The following IL34 variants were observed in gnomAD, a reference collection of about 807,000 sequenced individuals.
IL34 encodes the protein interleukin 34, also known as interleukin-34.
A neutral mutation model predicts 25.3 loss-of-function variants in IL34; 17 were observed. That is an observed-to-expected ratio of 0.67 (90% CI 0.46 to 1.01). The LOEUF (loss-of-function observed/expected upper bound fraction) is 1.01. IL34 is among the 50% of genes least tolerant of loss of function. The pLI is 0.00. For missense variants in IL34, 368 were observed against 312.9 expected, an observed-to-expected ratio of 1.18 and a Z score of -1.33; for synonymous variants, 174 against 140.9, an observed-to-expected ratio of 1.23 and a Z score of -1.66.
At chr16:70,604,805 C>T (rs1430004581) in intron 1 of IL34, among the ~76,000 whole-genome samples, 3 of 152,054 alleles carry the variant, frequency 2.0e-5, no homozygotes, top group Admixed American at 6.6e-5. Context: ...AGAGCGGGGA[C>T]CGAGGGCCTG....
intron 1 of IL34, among the ~76,000 whole-genome samples, chr16:70,593,544 A>G (rs1206219789): frequency 2.6e-5 from 4 of 152,000 alleles, no homozygotes; most frequent in African/African-American, 7.3e-5. Context: ...TTGAGACAGG[A>G]TCTCACTCTG....
chr16:70,621,072 TA>T (rs1446375779), intron 1 of IL34, among the ~76,000 whole-genome samples: 2 of 151,996 alleles, frequency 1.3e-5, no homozygotes, highest in South Asian at 2.1e-4. Context: ...AATAAGCAAT[TA>T]GGGGGTTCTT....
At chr16:70,616,924 G>A (rs533267659) in intron 1 of IL34, among the ~76,000 whole-genome samples, 142 of 152,238 alleles carry the variant, frequency 9.3e-4, no homozygotes, top group African/African-American at 2.1e-3. Flanking sequence ...CATTCCTGCC[G>A]CCTTATATTA....
rs753626247 is a variant in IL34 at position 70,660,211 on chromosome 16, T to C, written c.*24T>C. Reference sequence around the variant, plus strand: ...GAGCACCCTGGATGGTGACTGCGGATAGGGGCAGCCAGACCAGCTCCCACA... The same window carrying C: ...GAGCACCCTGGATGGTGACTGCGGACAGGGGCAGCCAGACCAGCTCCCACA... On this transcript the variant is annotated 3_prime_UTR_variant, in exon 6 of 6. Transcript: ENST00000288098. 1.3e-6 allele frequency: 2 copies of C among 1,538,168 alleles called. No homozygotes were observed. Among genetic ancestry groups the C allele is most frequent in the South Asian group, 2.5e-5 (2 of 78,896 alleles).
At chr16:70,627,788 T>C (rs928449845) in intron 1 of IL34, among the ~76,000 whole-genome samples, 14 of 152,180 alleles carry the variant, frequency 9.2e-5, no homozygotes, top group African/African-American at 3.4e-4. Flanking sequence ...TGTCACAGAT[T>C]GGTTTTGCTG....
chr16:70,624,644 C>T (rs1284355013), intron 1 of IL34, among the ~76,000 whole-genome samples: 1 of 152,068 alleles, frequency 6.6e-6, no homozygotes, highest in Non-Finnish European at 1.5e-5. Flanking sequence ...GAAAAAGGAG[C>T]ATTCACCTTG....
intron 1 of IL34, among the ~76,000 whole-genome samples, chr16:70,584,092 C>G: frequency 6.6e-6 from 1 of 152,226 alleles, no homozygotes; most frequent in East Asian, 1.9e-4. Flanking sequence ...GGAGAGACAT[C>G]TCGTCCCAGA....
chr16:70,644,749 GGGAGGAGGGAGGAAAA>G (rs2051868865), upstream of IL34, among the ~76,000 whole-genome samples: 2 of 142,436 alleles, frequency 1.4e-5, no homozygotes, highest in Non-Finnish European at 1.5e-5. Flanking sequence ...AAGAGGAGGA[GGGAGGAGGGAGGAAAA>G]GGAGGAGGGA....
At chr16:70,590,054 G>A (rs200326156) in intron 1 of IL34, among the ~76,000 whole-genome samples, 5 of 152,136 alleles carry the variant, frequency 3.3e-5, no homozygotes, top group African/African-American at 4.8e-5. Context: ...TTCTGCCTTC[G>A]GGGAGGTGTT....
In IL34 at chr16:70,659,785, G is replaced by C. The variant is rs754481670; in HGVS notation, c.538+32G>C. On this transcript the variant is annotated intron_variant, in intron 5 of 5. Transcript: ENST00000288098. Reference sequence around the variant, plus strand: ...AGCTCTCAGGGGATGGCGCCTGGGGGTGGGAGGCCAGGCATCTGGGCCCAC... The same window carrying C: ...AGCTCTCAGGGGATGGCGCCTGGGGCTGGGAGGCCAGGCATCTGGGCCCAC... 4.9e-5 allele frequency: 77 copies of C among 1,577,300 alleles called. No individual in the cohort carries two copies. In the Admixed American group the frequency reaches 1.3e-3, roughly 27 times the overall value.
chr16:70,611,189 GCTGGTCTCGAACTC>G, intron 1 of IL34, among the ~76,000 whole-genome samples: 1 of 152,266 alleles, frequency 6.6e-6, no homozygotes, highest in East Asian at 1.9e-4. Context: ...TGTTGCCCAG[GCTGGTCTCGAACTC>G]CTGTGCTCAG....
chr16:70,625,870 A>G (rs1199657527), intron 1 of IL34, among the ~76,000 whole-genome samples: 3 of 152,208 alleles, frequency 2.0e-5, no homozygotes, highest in Non-Finnish European at 4.4e-5. Flanking sequence ...CACTTACCGG[A>G]TTTGAAATTG....
Position 70,647,227 on chromosome 16 carries a change from G to A in IL34, c.28+252G>A, listed in dbSNP as rs12929508. Among the ~76,000 whole-genome samples, 45,752 of 152,180 alleles carry A rather than the reference G, an allele frequency of 0.3. 7,166 individuals are homozygous for A. The highest frequency in any genetic ancestry group is 0.45 in the South Asian group (2,188 of 4,828). On this transcript the variant is annotated intron_variant, in intron 1 of 5. Transcript: ENST00000288098. Reference sequence around the variant, plus strand: ...ATGGTCCTCAGGGTGGTCTTAGGTCGGGGCAGGCACTGGGGGTAGGTGGCA... The same window carrying A: ...ATGGTCCTCAGGGTGGTCTTAGGTCAGGGCAGGCACTGGGGGTAGGTGGCA...
chr16:70,657,623 A>C (rs897078114), intron 4 of IL34, among the ~76,000 whole-genome samples: 6 of 152,190 alleles, frequency 3.9e-5, no homozygotes, highest in African/African-American at 1.4e-4. Context: ...AAAAATACAA[A>C]AATAAGCCAG....
chr16:70,619,025 A>G (rs545478268), intron 1 of IL34, among the ~76,000 whole-genome samples: 23 of 152,302 alleles, frequency 1.5e-4, no homozygotes, highest in African/African-American at 5.1e-4. Context: ...GTTTGGCACC[A>G]CGGGGTGGAT....
chr16:70,618,195 G>A (rs2051204264), intron 1 of IL34, among the ~76,000 whole-genome samples: 1 of 152,064 alleles, frequency 6.6e-6, no homozygotes, highest in South Asian at 2.1e-4. Context: ...TGCCTTTGCT[G>A]GTGTGTGGTG....
chr16:70,647,277 G>C (rs1250129069), intron 1 of IL34, among the ~76,000 whole-genome samples: 1 of 152,244 alleles, frequency 6.6e-6, no homozygotes, highest in East Asian at 1.9e-4. Context: ...CAGGCTTGTG[G>C]GTGTTGGGGA....
At chr16:70,609,623 G>A (rs911946491) in intron 1 of IL34, among the ~76,000 whole-genome samples, 4 of 152,212 alleles carry the variant, frequency 2.6e-5, no homozygotes, top group Admixed American at 1.3e-4. Context: ...GATCTCACAG[G>A]TGCCCAGAGA....
intron 1 of IL34, among the ~76,000 whole-genome samples, chr16:70,613,587 A>T (rs1398325429): frequency 2.6e-5 from 4 of 152,162 alleles, no homozygotes; most frequent in African/African-American, 9.7e-5. Context: ...AGAAATGCAG[A>T]GTCCAGCCAG....
Sources: allele counts gnomAD v4.1 joint callset (sites outside exome capture counted in the v4.1 genomes callset), GRCh38; gene constraint gnomAD v4.1.1; transcripts MANE v1.5; gene names NCBI Gene and HGNC (gene_info 2026-07-23, HGNC 2026-07-21).